SAMD12: variants seen among roughly 807,000 people sequenced by gnomAD.
The protein encoded by SAMD12 is sterile alpha motif domain containing 12.
A neutral mutation model predicts 15.0 loss-of-function variants in SAMD12; 9 were observed. The ratio of observed to expected loss-of-function variants is 0.60; its 90% CI spans 0.36 to 1.05. The LOEUF is 1.05. Ranked by LOEUF, SAMD12 falls within the 50% of genes least tolerant of loss-of-function variation. The probability of loss-of-function intolerance (pLI) is 0.01; values close to 1 mark genes in which losing one functional copy is unlikely to be tolerated. For synonymous variants in SAMD12, 86 were observed against 90.1 expected (o/e 0.96, Z 0.25); for missense variants, 230 against 234.2 (o/e 0.98, Z 0.12).
intron 2 of SAMD12, among the ~76,000 whole-genome samples, chr8:118,510,134 ATCAGTAATCTTTTAAAACAGTTGTTC>A (rs1465198462): frequency 6.6e-6 from 1 of 152,294 alleles, no homozygotes; most frequent in East Asian, 1.9e-4. Context: ...CTTTAGAATC[ATCAGTAATCTTTTAAAACAGTTGTTC>A]TCAAATTTAC....
intron 4 of SAMD12, among the ~76,000 whole-genome samples, chr8:118,270,621 T>C (rs1813332907): frequency 6.6e-6 from 1 of 152,220 alleles, no homozygotes; most frequent in African/African-American, 2.4e-5. Context: ...ACATTCCTCA[T>C]TTTTATTTAG....
chr8:118,430,758 A>G (rs995622432), intron 3 of SAMD12, among the ~76,000 whole-genome samples: 2 of 152,286 alleles, frequency 1.3e-5, no homozygotes, highest in Middle Eastern at 3.4e-3. Flanking sequence ...AGTGTAATAC[A>G]TCTTTCTCCA....
At chr8:118,572,833 C>G (rs1004785829) in intron 2 of SAMD12, among the ~76,000 whole-genome samples, 4 of 151,956 alleles carry the variant, frequency 2.6e-5, no homozygotes, top group African/African-American at 9.7e-5. Context: ...TTTCCCCACC[C>G]AAAATCTCAT....
the SAMD12 span, among the ~76,000 whole-genome samples, chr8:118,133,850 T>G: frequency 6.6e-6 from 1 of 152,210 alleles, no homozygotes; most frequent in African/African-American, 2.4e-5. Context: ...AAAAAATTAT[T>G]CTCCAGCTTG....
At chr8:118,409,730 T>C (rs984971975) in intron 3 of SAMD12, among the ~76,000 whole-genome samples, 2 of 152,052 alleles carry the variant, frequency 1.3e-5, no homozygotes, top group African/African-American at 4.8e-5. Flanking sequence ...TGGCTTATAA[T>C]ATCTAGTTTT....
At chr8:118,286,246 A>G (rs1347595062) in intron 4 of SAMD12, among the ~76,000 whole-genome samples, 1 of 152,028 alleles carries the variant, frequency 6.6e-6, no homozygotes, top group Non-Finnish European at 1.5e-5. Context: ...CAGCACACCA[A>G]CATGGCACAT....
At chr8:118,618,475 T>C (rs1299224110) in intron 1 of SAMD12, among the ~76,000 whole-genome samples, 2 of 152,178 alleles carry the variant, frequency 1.3e-5, no homozygotes, top group Non-Finnish European at 2.9e-5. Context: ...AGAGAAGGGA[T>C]GAGAGTACAA....
intron 4 of SAMD12, among the ~76,000 whole-genome samples, chr8:118,230,995 A>G (rs377310256): frequency 3.1e-4 from 47 of 152,294 alleles, no homozygotes; most frequent in African/African-American, 1.1e-3. Context: ...CAGACTTATT[A>G]TAAGAGGGCA....
At chr8:118,462,917 A>C (rs1823469295) in intron 2 of SAMD12, among the ~76,000 whole-genome samples, 1 of 151,928 alleles carries the variant, frequency 6.6e-6, no homozygotes, top group African/African-American at 2.4e-5. Context: ...CCTGGCTAAC[A>C]CGGTGAAACC....
intron 2 of SAMD12, among the ~76,000 whole-genome samples, chr8:118,468,222 G>A (rs1823653474): frequency 6.6e-6 from 1 of 152,154 alleles, no homozygotes; most frequent in Non-Finnish European, 1.5e-5. Flanking sequence ...AAACAGCTGT[G>A]GCAAGCTGGC....
At chr8:118,226,647 A>G (rs944204169) in intron 4 of SAMD12, among the ~76,000 whole-genome samples, 2 of 152,228 alleles carry the variant, frequency 1.3e-5, no homozygotes, top group African/African-American at 4.8e-5. Flanking sequence ...AGATAAGTAC[A>G]TACATAGCCC....
At chr8:118,198,138 T>A (rs961895536) in intron 4 of SAMD12, among the ~76,000 whole-genome samples, 3 of 152,026 alleles carry the variant, frequency 2.0e-5, no homozygotes, top group Non-Finnish European at 4.4e-5. Context: ...GGGAGAGAGA[T>A]GGGGGTTTCA....
chr8:118,416,430 T>A (rs1821693070), intron 3 of SAMD12, among the ~76,000 whole-genome samples: 1 of 152,194 alleles, frequency 6.6e-6, no homozygotes, highest in African/African-American at 2.4e-5. Context: ...ACTTAGTATA[T>A]CTCTAACATG....
chr8:118,344,343 A>G (rs1387210731), intron 4 of SAMD12, among the ~76,000 whole-genome samples: 1 of 152,244 alleles, frequency 6.6e-6, no homozygotes, highest in Non-Finnish European at 1.5e-5. Context: ...TCGTAGGCCA[A>G]CTTCGTAAGA....
At chr8:118,167,090 T>C in the SAMD12 span, among the ~76,000 whole-genome samples, 1 of 152,170 alleles carries the variant, frequency 6.6e-6, no homozygotes, top group Non-Finnish European at 1.5e-5. Context: ...TCTTCTATGA[T>C]GAGGCAGTCC....
chr8:118,485,024 T>C (rs1052228250), intron 2 of SAMD12, among the ~76,000 whole-genome samples: 26 of 152,166 alleles, frequency 1.7e-4, no homozygotes, highest in African/African-American at 6.3e-4. Context: ...TCTGTTCCTG[T>C]TTGTCTACAA....
chr8:118,210,158 T>A (rs557255907), intron 4 of SAMD12, among the ~76,000 whole-genome samples: 1 of 152,336 alleles, frequency 6.6e-6, no homozygotes, highest in Admixed American at 6.5e-5. Context: ...AGACAAGGGA[T>A]AATAATAGCT....
chr8:118,154,674 A>G, the SAMD12 span, among the ~76,000 whole-genome samples: 1 of 152,228 alleles, frequency 6.6e-6, no homozygotes. Context: ...CCAAGAATCT[A>G]TATAGCCGTA....
chr8:118,418,569 A>G (rs183530901), intron 3 of SAMD12, among the ~76,000 whole-genome samples: 1 of 152,206 alleles, frequency 6.6e-6, no homozygotes, highest in Admixed American at 6.5e-5. Context: ...AATACAAAAA[A>G]TTAGCAGAGC....
Sources: allele counts gnomAD v4.1 joint callset (sites outside exome capture counted in the v4.1 genomes callset), GRCh38; gene constraint gnomAD v4.1.1; transcripts MANE v1.5; gene names NCBI Gene and HGNC (gene_info 2026-07-23, HGNC 2026-07-21).